CACNA1A: variants seen among roughly 807,000 people sequenced by gnomAD.
CACNA1A encodes the protein voltage-dependent P/Q-type calcium channel subunit alpha-1A.
CACNA1A carries 57 observed loss-of-function variants against 262.4 expected under a neutral mutation model. The observed-to-expected ratio is 0.22, with a 90% CI of 0.18 to 0.27. CACNA1A has a LOEUF of 0.27. CACNA1A is among the 10% of genes least tolerant of loss of function. The pLI is 1.00. For missense variants in CACNA1A, 2,526 were observed against 3,562.8 expected (o/e 0.71, Z 7.41); for synonymous variants, 1,431 against 1,419.3 (o/e 1.01, Z -0.18).
chr19:13,322,313 C>G (rs10409541), intron 10 of CACNA1A, among the ~76,000 whole-genome samples: 14,819 of 151,910 alleles, frequency 0.098, 789 homozygotes, highest in South Asian at 0.19. Context: ...CACCAAGTAT[C>G]GCTGGCAGCA....
chr19:13,217,182 C>G (rs983039355), intron 38 of CACNA1A, among the ~76,000 whole-genome samples: 1 of 151,840 alleles, frequency 6.6e-6, no homozygotes, highest in African/African-American at 2.4e-5. Flanking sequence ...AGAGATTCTT[C>G]TGGGCAGAGA....
chr19:13,258,418 T>G lies in CACNA1A; in HGVS notation c.4389-867A>C, dbSNP rs140077144. ...GCACACTGCTCAAAGGCTCTGTGTC[T>G]AAGCGATACCTTCACATGATAGGCA... On this transcript the variant is annotated intron_variant, in intron 27 of 46. Coordinates refer to ENST00000360228, the MANE Select transcript of CACNA1A (RefSeq NM_001127222.2). 13 of 152,344 alleles carry G rather than the reference T, an allele frequency of 8.5e-5. No homozygotes were observed. In the East Asian group the frequency reaches 1.9e-3, roughly 23 times the overall value. 9.4% of individuals were successfully genotyped at this position (152,344 alleles called of 1,614,324 possible).
At chr19:13,344,400 C>G (rs575656067) in intron 6 of CACNA1A, among the ~76,000 whole-genome samples, 1 of 152,266 alleles carries the variant, frequency 6.6e-6, no homozygotes, top group South Asian at 2.1e-4. Flanking sequence ...GCCTTTAGGT[C>G]TTGGCTTGGC....
chr19:13,239,798 T>C (rs2056007762), intron 31 of CACNA1A, among the ~76,000 whole-genome samples: 1 of 151,912 alleles, frequency 6.6e-6, no homozygotes, highest in Admixed American at 6.6e-5. Context: ...TGTGTGTGTG[T>C]GTGCATGCGT....
chr19:13,317,404 T>G, intron 10 of CACNA1A, 83 bp from the exon 11 acceptor site: 1 of 1,159,048 alleles, frequency 8.6e-7, no homozygotes, highest in Non-Finnish European at 1.2e-6. Flanking sequence ...AGCACAGATT[T>G]TAGCCAGGGG....
At position 13,398,405 on chromosome 19, in the gene CACNA1A, C is replaced by G. The variant is rs74735912; in HGVS notation, c.540-26626G>C. On this transcript the variant is annotated intron_variant, in intron 3 of 46. Coordinates refer to ENST00000360228, the MANE Select transcript of CACNA1A (RefSeq NM_001127222.2). ...AATACACTTAATAGGAACTTATAAA[C>G]AGTAACTAATACACTTGGGCAGGTA... Among the ~76,000 whole-genome samples the G allele has an allele frequency of 9.3e-3, 1,421 of 152,264 alleles. 23 individuals are homozygous for G. The highest frequency in any genetic ancestry group is 0.031 in the African/African-American group (1,295 of 41,534).
At chr19:13,415,506 C>T (rs1044784623) in intron 3 of CACNA1A, among the ~76,000 whole-genome samples, 2 of 151,362 alleles carry the variant, frequency 1.3e-5, no homozygotes, top group Non-Finnish European at 2.9e-5. Flanking sequence ...TTTGGGAGGC[C>T]GAGGCGGGAG....
intron 11 of CACNA1A, among the ~76,000 whole-genome samples, chr19:13,313,862 T>A (rs1203073829): frequency 6.6e-6 from 1 of 152,210 alleles, no homozygotes; most frequent in Non-Finnish European, 1.5e-5. Context: ...ATCATAATGA[T>A]ATCCTATTTG....
At chr19:13,499,451 G>GA (rs1271404454) in intron 1 of CACNA1A, among the ~76,000 whole-genome samples, 2 of 113,924 alleles carry the variant, frequency 1.8e-5, no homozygotes, top group African/African-American at 6.7e-5. Flanking sequence ...AGGGGGTGGT[G>GA]GGGGGGGGCA....
At chr19:13,372,765 G>A (rs1483326827) in intron 3 of CACNA1A, among the ~76,000 whole-genome samples, 8 of 152,190 alleles carry the variant, frequency 5.3e-5, no homozygotes, top group Admixed American at 5.2e-4. Flanking sequence ...AAAAAAATGG[G>A]TGTGATCCTG....
At chr19:13,458,464 T>TA (rs1343128038) in intron 1 of CACNA1A, among the ~76,000 whole-genome samples, 1 of 151,608 alleles carries the variant, frequency 6.6e-6, no homozygotes, top group Non-Finnish European at 1.5e-5. Flanking sequence ...AATGTCACTT[T>TA]AAAATGGTTA....
intron 6 of CACNA1A, among the ~76,000 whole-genome samples, chr19:13,348,215 G>A (rs1407659149): frequency 1.3e-5 from 2 of 151,994 alleles, no homozygotes; most frequent in Admixed American, 6.6e-5. Flanking sequence ...GAGCCACCAC[G>A]CCTGGCCAGG....
chr19:13,257,044 T>C (rs960356250), intron 28 of CACNA1A: 1 of 213,456 alleles, frequency 4.7e-6, no homozygotes, highest in Non-Finnish European at 9.4e-6. Context: ...GATGGCAAGA[T>C]CCACAACTGA....
At position 13,298,621 on chromosome 19, in the gene CACNA1A, C is replaced by G; in HGVS notation, c.3012G>C (p.Arg1004Ser). Residue 1004 changes from arginine to serine, a missense_variant, in exon 19 of 47, where the codon AGG becomes AGC. Around this residue, in one of 17 missense-constraint regions of CACNA1A, gnomAD observed 765 missense variants for 748.6 expected, o/e 1.02. Transcript: ENST00000360228. ...EGPDGGERRR[R>S]HRHGAPATYE... ...ACGTGGCTGGAGCGCCATGCCGGTG[C>G]CTTCTCCTGCGCTCGCCCCCGTCGG... 1 of 1,533,240 alleles carries G rather than the reference C, an allele frequency of 6.5e-7. No individual in the cohort carries two copies. Among genetic ancestry groups the G allele is most frequent in the Non-Finnish European group, 8.8e-7 (1 of 1,138,796 alleles). 95.0% of individuals were successfully genotyped at this position (1,533,240 alleles called of 1,614,324 possible).
At position 13,311,612 on chromosome 19, in the gene CACNA1A, T is replaced by C. The variant is rs1011709939; in HGVS notation, c.1668+1057A>G. 6.6e-5 allele frequency among the ~76,000 whole-genome samples: 10 copies of C among 152,086 alleles called. No homozygotes were observed. The South Asian group carries it at 1.5e-3, about 22-fold the overall frequency. ...CAGCACTTTGGGAGGCCAAGGCGGGTGGATCACGAGGTCAGGAGATCAAGA... is the reference window on the plus strand; with the variant it reads ...CAGCACTTTGGGAGGCCAAGGCGGGCGGATCACGAGGTCAGGAGATCAAGA... On this transcript the variant is annotated intron_variant, in intron 12 of 46. Coordinates refer to ENST00000360228, the MANE Select transcript of CACNA1A (RefSeq NM_001127222.2).
rs927217710 is a variant in CACNA1A at position 13,505,816 on chromosome 19, AC to A, written c.293+115del. 21 of 1,054,868 alleles carry A rather than the reference AC, an allele frequency of 2.0e-5. No homozygotes were observed. In the South Asian group the frequency reaches 2.1e-4, roughly 11 times the overall value. The allele number at this position is 1,054,868 out of a possible 1,614,324, so 65.3% of individuals were successfully genotyped here. On this transcript the variant is annotated intron_variant, in intron 1 of 46. Transcript: ENST00000360228. ...TGCCCCCTCTCCCAGCCCCTGGAAG[AC>A]CCCCCTCCTCCCCACCTCCCATCAA...
intron 10 of CACNA1A, among the ~76,000 whole-genome samples, chr19:13,321,879 GAAATTTACAAAAAA>G (rs1165676365): frequency 2.6e-5 from 4 of 151,934 alleles, no homozygotes; most frequent in East Asian, 1.9e-4. Context: ...CAGGCTACAT[GAAATTTACAAAAAA>G]AAATTTACAA....
intron 1 of CACNA1A, among the ~76,000 whole-genome samples, chr19:13,494,836 G>A (rs1981305129): frequency 6.6e-6 from 1 of 152,082 alleles, no homozygotes; most frequent in Non-Finnish European, 1.5e-5. Context: ...AGAACAGCAT[G>A]GGGGAAATCA....
At position 13,361,725 on chromosome 19, in the gene CACNA1A, G is replaced by A. The variant is rs548139074; in HGVS notation, c.785-1926C>T. On this transcript the variant is annotated intron_variant, in intron 5 of 46. Transcript: ENST00000360228. ...GCCATGAACTTAAGTTGTTGGAAAC[G>A]CCTTCCTCACTTATGCTGGACTTGG... is the stretch of plus-strand genomic sequence containing the variant. Among the ~76,000 whole-genome samples the A allele has an allele frequency of 3.3e-5, 5 of 152,290 alleles. No individual in the cohort carries two copies. In the South Asian group the frequency reaches 1.0e-3, roughly 32 times the overall value.
Sources: allele counts gnomAD v4.1 joint callset (sites outside exome capture counted in the v4.1 genomes callset), GRCh38; gene constraint gnomAD v4.1.1; regional missense constraint gnomAD v4.1.1; transcripts MANE v1.5; gene names NCBI Gene and HGNC (gene_info 2026-07-23, HGNC 2026-07-21).